Variants in IMPA2 observed in about 807,000 individuals in gnomAD.
IMPA2 encodes IMP 2.
Under a neutral mutation model 35.1 loss-of-function variants are expected in IMPA2, and 32 were observed. That is an observed-to-expected ratio of 0.91 (90% CI 0.69 to 1.23). The LOEUF is 1.23. IMPA2 is among the 50% of genes most tolerant of loss of function. The pLI is 0.00. For synonymous variants in IMPA2, 135 were observed against 160.6 expected (o/e 0.84, Z 1.20); for missense variants, 334 against 387.6 (o/e 0.86, Z 1.16).
chr18:12,010,417 C>T lies in IMPA2; in HGVS notation c.335+430C>T, dbSNP rs1249123887. On this transcript the variant is annotated intron_variant, in intron 3 of 7. Coordinates refer to ENST00000269159, the MANE Select transcript of IMPA2 (RefSeq NM_014214.3). The surrounding 1 kb of genome is among the most constrained non-coding windows in gnomAD (Gnocchi z 4.8). ...TGAGAGCCAGCTTCCTGTATGAGAG[C>T]AAACCTTGTGGTTACAAAAAGCAGG... Among the ~76,000 whole-genome samples the T allele has an allele frequency of 2.0e-5, 3 of 152,144 alleles. No homozygotes were observed. Among genetic ancestry groups the T allele is most frequent in the African/African-American group, 7.2e-5 (3 of 41,418 alleles).
At chr18:11,981,799 G>T in intron 1 of IMPA2, 34 bp downstream of exon 1, 1 of 1,204,726 alleles carries the variant, frequency 8.3e-7, no homozygotes, top group Non-Finnish European at 1.0e-6. Context: ...AAGTCCGGGC[G>T]GAGCAGAAGC....
At chr18:11,987,546 A>G (rs1418690088) in intron 1 of IMPA2, among the ~76,000 whole-genome samples, 5 of 151,924 alleles carry the variant, frequency 3.3e-5, no homozygotes, top group Non-Finnish European at 2.9e-5. Flanking sequence ...GGCCAGGCTG[A>G]TCTAGAACTC....
chr18:12,025,301 T>C lies in IMPA2; in HGVS notation c.491-2742T>C, dbSNP rs187486326. Among the ~76,000 whole-genome samples, 1,343 of 152,362 alleles carry C rather than the reference T, an allele frequency of 8.8e-3. 6 individuals carry two copies. The highest frequency in any genetic ancestry group is 0.014 in the Non-Finnish European group (975 of 68,034). On this transcript the variant is annotated intron_variant, in intron 5 of 7. Coordinates refer to ENST00000269159, the MANE Select transcript of IMPA2 (RefSeq NM_014214.3). ...AAAGGACATCTTGGTTGCTTCTAAG[T>C]GTTGGCAGTTATGAATAAATCTGCT...
chr18:11,996,998 C>A (rs1234597422), intron 1 of IMPA2, among the ~76,000 whole-genome samples: 1 of 151,088 alleles, frequency 6.6e-6, no homozygotes, highest in Non-Finnish European at 1.5e-5. Context: ...CACACCACAG[C>A]AACACACACA....
intron 5 of IMPA2, among the ~76,000 whole-genome samples, chr18:12,014,900 C>G (rs1279893708): frequency 6.6e-6 from 1 of 152,194 alleles, no homozygotes; most frequent in East Asian, 1.9e-4. Context: ...CCCAGAATCT[C>G]AGGGTCATCC....
chr18:11,987,591 A>G (rs1029065991), intron 1 of IMPA2, among the ~76,000 whole-genome samples: 1 of 152,178 alleles, frequency 6.6e-6, no homozygotes, highest in Admixed American at 6.5e-5. Flanking sequence ...TTGGCCTCCC[A>G]AAGTGCTGGG....
chr18:12,012,265 C>T lies in IMPA2; in HGVS notation c.381+50C>T, dbSNP rs368792139. The T allele has an allele frequency of 2.0e-6, 3 of 1,498,556 alleles. No individual in the cohort carries two copies. The African/African-American group carries it at 4.2e-5, about 21-fold the overall frequency. The allele number at this position is 1,498,556 out of a possible 1,614,324, so 92.8% of individuals were successfully genotyped here. On this transcript the variant is annotated intron_variant, in intron 4 of 7. Coordinates refer to ENST00000269159, the MANE Select transcript of IMPA2 (RefSeq NM_014214.3). Reference sequence around the variant, plus strand: ...GGGCCCCTCCCTGGGCTCCCTCTGGCCATCCTTCCTTTCTGGCTTCAGCCT... The same window carrying T: ...GGGCCCCTCCCTGGGCTCCCTCTGGTCATCCTTCCTTTCTGGCTTCAGCCT...
At chr18:12,007,671 C>CTTTCTT (rs1907310742) in intron 2 of IMPA2, among the ~76,000 whole-genome samples, 1 of 74,694 alleles carries the variant, frequency 1.3e-5, no homozygotes, top group African/African-American at 4.6e-5. Context: ...TTCTTTCTTT[C>CTTTCTT]TTTCTTTCCT....
rs987850973 is a variant in IMPA2 at position 12,010,735 on chromosome 18, A to G, written c.335+748A>G. 6.6e-6 allele frequency among the ~76,000 whole-genome samples: 1 copy of G among 152,184 alleles called. No homozygotes were observed. The highest frequency in any genetic ancestry group is 1.5e-5 in the Non-Finnish European group (1 of 68,028). On this transcript the variant is annotated intron_variant, in intron 3 of 7. Transcript: ENST00000269159. The surrounding 1 kb of genome is among the most constrained non-coding windows in gnomAD (Gnocchi z 4.8). Reference sequence around the variant, plus strand: ...TCCTGCGCTCACAGTGCACGCCAGCACACTAGGCTGCACGCGCTAAGCAGG... The same window carrying G: ...TCCTGCGCTCACAGTGCACGCCAGCGCACTAGGCTGCACGCGCTAAGCAGG...
chr18:11,994,871 C>G (rs1906916275), intron 1 of IMPA2: 1 of 152,648 alleles, frequency 6.6e-6, no homozygotes, highest in Non-Finnish European at 1.5e-5. Flanking sequence ...GTGCTGTAGT[C>G]ACAGTTGGGT....
intron 2 of IMPA2, among the ~76,000 whole-genome samples, chr18:11,999,695 A>G (rs1418693031): frequency 1.3e-5 from 2 of 152,248 alleles, no homozygotes; most frequent in Non-Finnish European, 2.9e-5. Flanking sequence ...CAGAGGGCGC[A>G]GTGGGAATGG....
intron 4 of IMPA2, among the ~76,000 whole-genome samples, chr18:12,013,383 G>C (rs1907486185): frequency 6.6e-6 from 1 of 152,176 alleles, no homozygotes. Context: ...ACACCTGCAG[G>C]CTCTGAAAAA....
intron 1 of IMPA2, among the ~76,000 whole-genome samples, chr18:11,985,768 T>C (rs915292503): frequency 3.3e-5 from 5 of 152,214 alleles, no homozygotes; most frequent in African/African-American, 1.2e-4. Context: ...CTTTCTACAC[T>C]GGATGGCTCT....
intron 1 of IMPA2, among the ~76,000 whole-genome samples, chr18:11,990,024 C>G (rs192978108): frequency 2.0e-4 from 30 of 152,294 alleles, no homozygotes; most frequent in African/African-American, 6.7e-4. Context: ...CTCCCTCTCT[C>G]CTGGCCTCCT....
At chr18:12,028,539 G>A (rs1907946874) in intron 6 of IMPA2, 1 of 455,916 alleles carries the variant, frequency 2.2e-6, no homozygotes, top group Non-Finnish European at 3.9e-6. Context: ...AGCCATGTGA[G>A]ACCACTGACA....
At chr18:11,982,883 G>A (rs1906547641) in intron 1 of IMPA2, among the ~76,000 whole-genome samples, 1 of 151,694 alleles carries the variant, frequency 6.6e-6, no homozygotes, top group African/African-American at 2.4e-5. Context: ...TCAAACATTT[G>A]TTTTCTTTTT....
At chr18:12,006,082 G>A (rs537338078) in intron 2 of IMPA2, among the ~76,000 whole-genome samples, 1 of 152,168 alleles carries the variant, frequency 6.6e-6, no homozygotes, top group East Asian at 1.9e-4. Flanking sequence ...CATTACAGAA[G>A]AGGAAAGTCA....
chr18:11,987,749 T>C (rs1906705175), intron 1 of IMPA2, among the ~76,000 whole-genome samples: 1 of 151,948 alleles, frequency 6.6e-6, no homozygotes. Flanking sequence ...GGGGATTTAT[T>C]AATAGTAGGA....
intron 2 of IMPA2, among the ~76,000 whole-genome samples, chr18:12,007,600 C>CTT (rs1907290139): frequency 6.8e-6 from 1 of 146,698 alleles, no homozygotes; most frequent in African/African-American, 2.6e-5. Flanking sequence ...TTCTTTCTTT[C>CTT]TTTCTCTTTC....
Sources: allele counts gnomAD v4.1 joint callset (sites outside exome capture counted in the v4.1 genomes callset), GRCh38; gene constraint gnomAD v4.1.1; non-coding constraint Gnocchi (gnomAD v3.1); transcripts MANE v1.5; gene names NCBI Gene and HGNC (gene_info 2026-07-23, HGNC 2026-07-21).